The following WDR72 variants were observed in gnomAD, a reference collection of about 807,000 sequenced individuals.
WDR72 encodes the protein WD repeat-containing protein 72.
Under a neutral mutation model 124.2 loss-of-function variants are expected in WDR72, and 120 were observed. The observed-to-expected ratio is 0.97, with a 90% CI of 0.83 to 1.12. The LOEUF (loss-of-function observed/expected upper bound fraction) is 1.12. WDR72 is among the 50% of genes most tolerant of loss of function. The pLI, the probability that WDR72 is intolerant of heterozygous loss-of-function variation, is 0.00. For synonymous variants in WDR72, 452 were observed against 441.7 expected (o/e 1.02, Z -0.29); for missense variants, 1,387 against 1,278.8 (o/e 1.08, Z -1.29).
intron 3 of WDR72, among the ~76,000 whole-genome samples, chr15:53,718,781 A>AT (rs1254766164): frequency 2.4e-5 from 2 of 84,398 alleles, no homozygotes; most frequent in African/African-American, 6.0e-5. Context: ...AATTTTAAAA[A>AT]TCTTAAGATT....
chr15:53,675,865 T>G (rs1311426903), intron 13 of WDR72, among the ~76,000 whole-genome samples: 1 of 152,116 alleles, frequency 6.6e-6, no homozygotes, highest in Admixed American at 6.6e-5. Context: ...TGAGAGTTAT[T>G]TTGGTTATTT....
At chr15:53,631,616 A>G (rs1258353670) in intron 14 of WDR72, among the ~76,000 whole-genome samples, 2 of 152,330 alleles carry the variant, frequency 1.3e-5, no homozygotes, top group African/African-American at 4.8e-5. Context: ...AATGTTTGTG[A>G]CCAAAATGCT....
chr15:53,665,249 C>G (rs1373450026), intron 14 of WDR72, among the ~76,000 whole-genome samples: 2 of 151,808 alleles, frequency 1.3e-5, no homozygotes, highest in Non-Finnish European at 2.9e-5. Context: ...CAGATACTCT[C>G]AAGTGAAAAA....
chr15:53,566,061 G>A (rs1357640836), intron 18 of WDR72, among the ~76,000 whole-genome samples: 1 of 151,930 alleles, frequency 6.6e-6, no homozygotes, highest in Non-Finnish European at 1.5e-5. Context: ...TTGATTATGT[G>A]GGAGAGCAAG....
chr15:53,620,162 T>C (rs994877260), intron 14 of WDR72, among the ~76,000 whole-genome samples: 6 of 151,946 alleles, frequency 3.9e-5, no homozygotes, highest in Admixed American at 6.6e-5. Flanking sequence ...CAAAATCATA[T>C]AAAAAATGGT....
intron 16 of WDR72, among the ~76,000 whole-genome samples, chr15:53,609,864 ACAC>A (rs1255760456): frequency 6.6e-6 from 1 of 151,400 alleles, no homozygotes; most frequent in Admixed American, 6.6e-5. Flanking sequence ...ACACACACAC[ACAC>A]AATTTATATG....
chr15:53,660,696 C>T (rs931374998), intron 14 of WDR72, among the ~76,000 whole-genome samples: 5 of 151,850 alleles, frequency 3.3e-5, no homozygotes, highest in South Asian at 4.2e-4. Flanking sequence ...CATATAAGTG[C>T]GTTATTTAAA....
chr15:53,740,287 G>GA (rs1186904260), intron 1 of WDR72, among the ~76,000 whole-genome samples: 3 of 147,766 alleles, frequency 2.0e-5, no homozygotes, highest in African/African-American at 5.0e-5. Context: ...CTTTTCTACT[G>GA]AAAAAAATTG....
chr15:53,714,392 C>G, intron 6 of WDR72, 42 bp downstream of exon 6: 1 of 1,481,628 alleles, frequency 6.7e-7, no homozygotes, highest in South Asian at 1.1e-5. Flanking sequence ...AATGAATATG[C>G]TTGAAATTGT....
At chr15:53,743,431 A>G (rs2018561230) in intron 1 of WDR72, among the ~76,000 whole-genome samples, 1 of 152,162 alleles carries the variant, frequency 6.6e-6, no homozygotes, top group African/African-American at 2.4e-5. Flanking sequence ...CATTTGTGAT[A>G]TATTTTGGGA....
At chr15:53,610,101 T>C (rs7165672) in intron 16 of WDR72, among the ~76,000 whole-genome samples, 98,353 of 151,818 alleles carry the variant, frequency 0.65, 32,147 homozygotes, top group South Asian at 0.73. Flanking sequence ...CTATACCACT[T>C]TGATCAATAG....
intron 14 of WDR72, among the ~76,000 whole-genome samples, chr15:53,642,556 TA>T (rs1231375450): frequency 6.6e-6 from 1 of 152,032 alleles, no homozygotes; most frequent in Non-Finnish European, 1.5e-5. Flanking sequence ...GTTTCTTTAT[TA>T]TCCATAAATG....
intron 3 of WDR72, among the ~76,000 whole-genome samples, chr15:53,719,165 G>T (rs2017801917): frequency 6.6e-6 from 1 of 152,096 alleles, no homozygotes; most frequent in Non-Finnish European, 1.5e-5. Flanking sequence ...CTTTAATGAA[G>T]TGTCTGGAAG....
At position 53,684,482 on chromosome 15, in the gene WDR72, G is replaced by A. The variant is rs577984569; in HGVS notation, c.1765+15268C>T. The stretch of plus-strand genomic sequence containing the variant: ...CTGGAAAAACGGCTCCCTCCCACCC[G>A]AATACTGCGCTTTTCCGACGGGCTT... On this transcript the variant is annotated intron_variant, in intron 13 of 19. Coordinates refer to ENST00000360509, the MANE Select transcript of WDR72 (RefSeq NM_182758.4). 9.1e-3 allele frequency: 1,469 copies of A among 161,294 alleles called. 15 individuals are homozygous for A. Among genetic ancestry groups the A allele is most frequent in the Non-Finnish European group, 0.012 (927 of 75,180 alleles). 10.0% of individuals were successfully genotyped at this position (161,294 alleles called of 1,614,324 possible). A position where few individuals can be genotyped will look rare whatever the true frequency, so the allele number is the denominator to read the frequency against.
At chr15:53,734,319 T>C (rs1289476863) in intron 1 of WDR72, among the ~76,000 whole-genome samples, 1 of 152,198 alleles carries the variant, frequency 6.6e-6, no homozygotes, top group Non-Finnish European at 1.5e-5. Flanking sequence ...TGCATTATTC[T>C]AACTGCCATG....
At chr15:53,675,326 A>C (rs1000103637) in intron 13 of WDR72, among the ~76,000 whole-genome samples, 2 of 136,934 alleles carry the variant, frequency 1.5e-5, no homozygotes, top group Non-Finnish European at 3.1e-5. Flanking sequence ...CTTGAGACAG[A>C]GTGAGACTCT....
intron 14 of WDR72, among the ~76,000 whole-genome samples, chr15:53,661,822 C>T (rs1046881634): frequency 6.6e-6 from 1 of 152,050 alleles, no homozygotes; most frequent in Non-Finnish European, 1.5e-5. Flanking sequence ...TAATGGCTAC[C>T]ATTTTAGACA....
chr15:53,694,067 C>T (rs2016927205), intron 13 of WDR72, among the ~76,000 whole-genome samples: 1 of 152,148 alleles, frequency 6.6e-6, no homozygotes, highest in South Asian at 2.1e-4. Context: ...CAAGCTGCTT[C>T]TGAGATGTCC....
chr15:53,584,083 A>G (rs1399311493), intron 18 of WDR72, among the ~76,000 whole-genome samples: 2 of 152,060 alleles, frequency 1.3e-5, no homozygotes, highest in Non-Finnish European at 2.9e-5. Flanking sequence ...AATAATGTCT[A>G]CATAATTACA....
Sources: allele counts gnomAD v4.1 joint callset (sites outside exome capture counted in the v4.1 genomes callset), GRCh38; gene constraint gnomAD v4.1.1; transcripts MANE v1.5; gene names NCBI Gene and HGNC (gene_info 2026-07-23, HGNC 2026-07-21).